The following FAM135B variants were observed in gnomAD, a reference collection of about 807,000 sequenced individuals.
FAM135B encodes family with sequence similarity 135 member B.
FAM135B carries 43 observed loss-of-function variants against 127.7 expected under a neutral mutation model. That is an observed-to-expected ratio of 0.34 (90% CI 0.26 to 0.43). The LOEUF (loss-of-function observed/expected upper bound fraction) is 0.43. Ranked by LOEUF, FAM135B falls within the 20% of genes least tolerant of loss-of-function variation. The probability of loss-of-function intolerance (pLI) is 1.00; values close to 1 mark genes in which losing one functional copy is unlikely to be tolerated. For missense variants in FAM135B, 1,558 were observed against 1,725.6 expected (o/e 0.90, Z 1.72); for synonymous variants, 670 against 665.1 (o/e 1.01, Z -0.11).
chr8:138,379,713 G>T (rs1382818126), intron 1 of FAM135B, among the ~76,000 whole-genome samples: 4 of 152,172 alleles, frequency 2.6e-5, no homozygotes, highest in African/African-American at 4.8e-5. Flanking sequence ...GACAGAAGTT[G>T]CATCTCTCCT....
chr8:138,439,918 T>C (rs1519381), intron 1 of FAM135B: 66,674 of 151,976 alleles, frequency 0.44, 16,075 homozygotes, highest in Admixed American at 0.63. Context: ...ATTCAATAGA[T>C]AACTGAAGCA....
chr8:138,434,032 GCATTGA>G (rs1273436349), intron 1 of FAM135B, among the ~76,000 whole-genome samples: 1 of 152,194 alleles, frequency 6.6e-6, no homozygotes, highest in East Asian at 1.9e-4. Context: ...AATAAAAGCA[GCATTGA>G]CATTGCCCTT....
intron 2 of FAM135B, among the ~76,000 whole-genome samples, chr8:138,330,945 C>T (rs866056729): frequency 2.6e-5 from 4 of 151,794 alleles, no homozygotes; most frequent in African/African-American, 7.3e-5. Context: ...AGGGTTCAAG[C>T]GATTCTCCTG....
At chr8:138,482,948 G>T (rs1319425070) in intron 1 of FAM135B, among the ~76,000 whole-genome samples, 2 of 151,950 alleles carry the variant, frequency 1.3e-5, no homozygotes, top group Non-Finnish European at 2.9e-5. Context: ...ATCTACCCAA[G>T]AATTCATTTA....
intron 2 of FAM135B, among the ~76,000 whole-genome samples, chr8:138,329,225 C>A (rs1046079915): frequency 6.6e-6 from 1 of 152,032 alleles, no homozygotes; most frequent in Non-Finnish European, 1.5e-5. Flanking sequence ...GAGAGAGAGA[C>A]GATAGAGGAA....
chr8:138,493,792 G>A (rs763199340), intron 1 of FAM135B, among the ~76,000 whole-genome samples: 1 of 152,056 alleles, frequency 6.6e-6, no homozygotes, highest in Non-Finnish European at 1.5e-5. Flanking sequence ...CTATTAATTC[G>A]CTCCAAAACT....
intron 1 of FAM135B, among the ~76,000 whole-genome samples, chr8:138,436,222 C>T (rs576653710): frequency 2.6e-5 from 4 of 152,160 alleles, no homozygotes; most frequent in South Asian, 2.1e-4. Context: ...TGAGAGAACC[C>T]GGATCTGCAA....
chr8:138,254,833 A>G (rs532518257), intron 5 of FAM135B, among the ~76,000 whole-genome samples: 22 of 152,150 alleles, frequency 1.4e-4, no homozygotes, highest in Non-Finnish European at 2.4e-4. Flanking sequence ...GTACCAGGCA[A>G]GACATCAGCG....
chr8:138,279,324 T>C (rs1563850680), intron 3 of FAM135B, among the ~76,000 whole-genome samples: 1 of 152,210 alleles, frequency 6.6e-6, no homozygotes. Flanking sequence ...GACGGAAAAG[T>C]ACACAACTCA....
intron 1 of FAM135B, among the ~76,000 whole-genome samples, chr8:138,433,566 T>TAAATAAAA (rs1408156625): frequency 6.4e-4 from 93 of 145,950 alleles, no homozygotes; most frequent in Non-Finnish European, 9.0e-4. Context: ...AATAAATAAA[T>TAAATAAAA]AAAATAATTT....
At chr8:138,329,166 A>G (rs911553699) in intron 2 of FAM135B, among the ~76,000 whole-genome samples, 1 of 152,214 alleles carries the variant, frequency 6.6e-6, no homozygotes, top group Non-Finnish European at 1.5e-5. Context: ...TAAATAGGAG[A>G]TACAGATGGA....
chr8:138,374,739 T>TCC (rs1160997631), intron 1 of FAM135B, among the ~76,000 whole-genome samples: 3 of 152,130 alleles, frequency 2.0e-5, no homozygotes, highest in Non-Finnish European at 2.9e-5. Context: ...ATTAGAGGTA[T>TCC]CCGAAAAGGG....
intron 1 of FAM135B, among the ~76,000 whole-genome samples, chr8:138,390,985 A>G (rs1202232495): frequency 6.6e-6 from 1 of 152,214 alleles, no homozygotes; most frequent in Non-Finnish European, 1.5e-5. Flanking sequence ...TTCCAGGTAC[A>G]CAGAGGATGA....
intron 11 of FAM135B, 116 bp downstream of exon 11, chr8:138,177,231 C>A: frequency 1.1e-6 from 1 of 887,522 alleles, no homozygotes; most frequent in Non-Finnish European, 1.7e-6. Context: ...ACAGAAAGTG[C>A]AGAGGTGGGC....
chr8:138,157,300 A>T (rs1818859825), intron 12 of FAM135B, among the ~76,000 whole-genome samples: 4 of 152,176 alleles, frequency 2.6e-5, no homozygotes, highest in Admixed American at 2.6e-4. Flanking sequence ...CATATCTCAA[A>T]ATAATAAGAG....
intron 1 of FAM135B, chr8:138,440,726 A>G (rs1168884954): frequency 6.6e-6 from 1 of 152,204 alleles, no homozygotes; most frequent in Admixed American, 6.5e-5. Context: ...TAGAAAGGCA[A>G]GATCAATTTA....
At chr8:138,257,741 T>C (rs1033129) in intron 4 of FAM135B, among the ~76,000 whole-genome samples, 62,852 of 152,034 alleles carry the variant, frequency 0.41, 13,331 homozygotes, top group African/African-American at 0.47. Flanking sequence ...CCTGGAAGCC[T>C]GTGAGCCAAG....
intron 1 of FAM135B, among the ~76,000 whole-genome samples, chr8:138,401,047 G>T (rs1374299486): frequency 8.5e-5 from 13 of 152,056 alleles, no homozygotes; most frequent in Non-Finnish European, 2.9e-5. Context: ...TCCTCTAATT[G>T]GGCATTTATT....
chr8:138,176,701 G>A (rs1241334962), intron 11 of FAM135B, among the ~76,000 whole-genome samples: 1 of 152,200 alleles, frequency 6.6e-6, no homozygotes, highest in Non-Finnish European at 1.5e-5. Context: ...GGCATCTCAA[G>A]CATCTTTCCA....
Sources: allele counts gnomAD v4.1 joint callset (sites outside exome capture counted in the v4.1 genomes callset), GRCh38; gene constraint gnomAD v4.1.1; transcripts MANE v1.5; gene names NCBI Gene and HGNC (gene_info 2026-07-23, HGNC 2026-07-21).